RERE: variants seen among roughly 807,000 people sequenced by gnomAD.
The protein encoded by RERE is arginine-glutamic acid dipeptide repeats protein.
RERE carries 40 observed loss-of-function variants against 146.1 expected under a neutral mutation model. That is an observed-to-expected ratio of 0.27 (90% CI 0.21 to 0.36). The LOEUF is 0.36. Ranked by LOEUF, RERE falls within the 10% of genes least tolerant of loss-of-function variation. The probability of loss-of-function intolerance (pLI) is 1.00; values close to 1 mark genes in which losing one functional copy is unlikely to be tolerated. For missense variants in RERE, 1,933 were observed against 2,138.7 expected (o/e 0.90, Z 1.90); for synonymous variants, 1,003 against 866.0 (o/e 1.16, Z -2.78).
intron 4 of RERE, among the ~76,000 whole-genome samples, chr1:8,563,023 T>C (rs1646097501): frequency 1.3e-5 from 2 of 151,924 alleles, no homozygotes; most frequent in South Asian, 2.1e-4. Context: ...TGACAAGCGG[T>C]AGACTAGGGG....
At chr1:8,798,266 G>A (rs1641514757) in intron 1 of RERE, among the ~76,000 whole-genome samples, 3 of 151,948 alleles carry the variant, frequency 2.0e-5, no homozygotes, top group South Asian at 2.1e-4. Context: ...GCATGGTGGC[G>A]AGCGCCTGTA....
At chr1:8,740,054 C>T (rs979803479) in intron 1 of RERE, among the ~76,000 whole-genome samples, 6 of 152,050 alleles carry the variant, frequency 3.9e-5, no homozygotes. Flanking sequence ...CTTCAGCTCT[C>T]AACTCTCTTG....
intron 1 of RERE, among the ~76,000 whole-genome samples, chr1:8,683,923 C>A (rs912211042): frequency 3.2e-4 from 49 of 152,170 alleles, no homozygotes; most frequent in African/African-American, 1.1e-3. Context: ...GCCCAGGCAA[C>A]AAGGGAGAAA....
chr1:8,664,216 G>A (rs1025175450), intron 1 of RERE, among the ~76,000 whole-genome samples: 1 of 152,050 alleles, frequency 6.6e-6, no homozygotes, highest in Non-Finnish European at 1.5e-5. Flanking sequence ...AGCTGACAGG[G>A]GCTGGCCACA....
At chr1:8,545,982 CTTTTTTTT>C (rs3050828) in intron 6 of RERE, among the ~76,000 whole-genome samples, 5 of 69,482 alleles carry the variant, frequency 7.2e-5, no homozygotes, top group African/African-American at 2.4e-4. Context: ...CATACCCAGT[CTTTTTTTT>C]TTTTTTTTTT....
At chr1:8,798,695 T>G (rs1181515987) in intron 1 of RERE, 1 of 164,636 alleles carries the variant, frequency 6.1e-6, no homozygotes, top group East Asian at 1.5e-4. Flanking sequence ...AAGTCTTTTT[T>G]TTCTTTTTTT....
At chr1:8,560,975 A>G (rs1403359274) in intron 4 of RERE, among the ~76,000 whole-genome samples, 1 of 152,218 alleles carries the variant, frequency 6.6e-6, no homozygotes, top group East Asian at 1.9e-4. Context: ...TGAAAACCTG[A>G]AGGGCAACAG....
chr1:8,497,809 CACAT>C, intron 8 of RERE, among the ~76,000 whole-genome samples: 1 of 152,084 alleles, frequency 6.6e-6, no homozygotes, highest in Non-Finnish European at 1.5e-5. Context: ...CTGAAGCACA[CACAT>C]ATGCATAAAA....
At chr1:8,376,042 T>A (rs761216000) in intron 12 of RERE, among the ~76,000 whole-genome samples, 11 of 152,376 alleles carry the variant, frequency 7.2e-5, no homozygotes, top group Non-Finnish European at 1.3e-4. Context: ...CACAGTGAGA[T>A]GAAGCCATGT....
At chr1:8,657,289 A>C (rs1213567151) in intron 1 of RERE, among the ~76,000 whole-genome samples, 5 of 140,390 alleles carry the variant, frequency 3.6e-5, no homozygotes, top group Admixed American at 2.3e-4. Flanking sequence ...TGGGCGACAG[A>C]GCGAGAGACT....
At chr1:8,365,424 T>C (rs1220443799) in intron 13 of RERE, among the ~76,000 whole-genome samples, 1 of 152,056 alleles carries the variant, frequency 6.6e-6, no homozygotes, top group African/African-American at 2.4e-5. Flanking sequence ...AAAGTGTTAA[T>C]CTGATCTTCT....
intron 7 of RERE, among the ~76,000 whole-genome samples, chr1:8,518,552 A>T (rs1175308722): frequency 2.0e-5 from 3 of 152,244 alleles, no homozygotes; most frequent in African/African-American, 2.4e-5. Context: ...ACCACAGAAG[A>T]AGTCTGTGGG....
At chr1:8,424,124 C>G (rs1643970788) in intron 11 of RERE, 1 of 152,268 alleles carries the variant, frequency 6.6e-6, no homozygotes. Flanking sequence ...CGGCCGCACG[C>G]CCTCCGCCCC....
chr1:8,427,862 C>G (rs527478233), intron 11 of RERE, among the ~76,000 whole-genome samples: 5 of 152,194 alleles, frequency 3.3e-5, no homozygotes, highest in Non-Finnish European at 4.4e-5. Context: ...AAAGAGACTT[C>G]TGTTGCGGCT....
chr1:8,516,249 A>AAAAAAAAAAAAAAAAAC (rs1645415857), intron 7 of RERE, among the ~76,000 whole-genome samples: 2 of 148,944 alleles, frequency 1.3e-5, no homozygotes, highest in Admixed American at 6.8e-5. Flanking sequence ...AAAAAAAAAA[A>AAAAAAAAAAAAAAAAAC]TCTAGGTGTA....
chr1:8,361,306 A>T lies in RERE; in HGVS notation c.2201T>A (p.Leu734Gln). 6.2e-7 allele frequency: 1 copy of T among 1,610,078 alleles called. No homozygotes were observed. The highest frequency in any genetic ancestry group is 8.5e-7 in the Non-Finnish European group (1 of 1,177,970). The change falls in exon 18 of 23, where the codon CTG becomes CAG. Residue 734 changes from leucine to glutamine, a missense_variant. Leu to Gln is a moderately radical substitution (Grantham distance 113). This residue lies in a region of RERE where 1,255 missense variants were observed against 1,153.8 expected (regional missense o/e 1.09). Coordinates refer to ENST00000400908, the MANE Select transcript of RERE (RefSeq NM_001042681.2). ...DSDSSAQQQM[L>Q]QAQPPALQAP... ...CTGCAAGGCTGGGGGCTGGGCCTGC[A>T]GCATCTGCTGCTGGGCTGACGAGTC...
At chr1:8,784,810 C>T (rs1641231836) in intron 1 of RERE, among the ~76,000 whole-genome samples, 1 of 152,128 alleles carries the variant, frequency 6.6e-6, no homozygotes, top group Admixed American at 6.6e-5. Context: ...TTCATACTCC[C>T]AAAACCAAAT....
intron 1 of RERE, among the ~76,000 whole-genome samples, chr1:8,730,721 A>G (rs971207271): frequency 6.6e-6 from 1 of 152,180 alleles, no homozygotes; most frequent in African/African-American, 2.4e-5. Context: ...TCACTGCACC[A>G]TCTACCTCCC....
chr1:8,711,892 G>T (rs1043637127), intron 1 of RERE, among the ~76,000 whole-genome samples: 4 of 152,160 alleles, frequency 2.6e-5, no homozygotes, highest in Admixed American at 2.6e-4. Flanking sequence ...ATTAGGACAT[G>T]TTTTCTCTAG....
Sources: gnomAD v4.1 joint callset for allele counts (sites outside exome capture counted in the v4.1 genomes callset) on GRCh38, gnomAD v4.1.1 for gene constraint, gnomAD v4.1.1 regional missense constraint, MANE v1.5 for transcripts, NCBI Gene and HGNC (gene_info 2026-07-23, HGNC 2026-07-21) for gene names.